Variants in PDE4D observed in about 807,000 individuals in gnomAD.
The protein encoded by PDE4D is 3',5'-cyclic-AMP phosphodiesterase 4D.
PDE4D carries 24 observed loss-of-function variants against 87.4 expected under a neutral mutation model. The ratio of observed to expected loss-of-function variants is 0.27; its 90% CI spans 0.20 to 0.39. The LOEUF (loss-of-function observed/expected upper bound fraction) is 0.39, where lower values mean the gene tolerates loss of function less well. Among genes scored for constraint, PDE4D ranks in the 10% least tolerant of loss-of-function variants. The pLI, the probability that PDE4D is intolerant of heterozygous loss-of-function variation, is 1.00. For missense variants in PDE4D, 714 were observed against 1,041.0 expected, an observed-to-expected ratio of 0.69 and a Z score of 4.32; for synonymous variants, 384 against 383.2, an observed-to-expected ratio of 1.00 and a Z score of -0.02.
In PDE4D at chr5:58,969,133, A is replaced by C. The variant is rs941264425; in HGVS notation, c.*5531T>G. The C allele has an allele frequency of 5.9e-5, 9 of 152,232 alleles. No individual in the cohort carries two copies. Among genetic ancestry groups the C allele is most frequent in the African/African-American group, 2.2e-4 (9 of 41,466 alleles). 9.4% of individuals were successfully genotyped at this position (152,232 alleles called of 1,614,324 possible). A position where few individuals can be genotyped will look rare whatever the true frequency, so the allele number is the denominator to read the frequency against. ...TCAATTTGATGGCTATATTCAACAC[A>C]TATTAAGAACCTACTGTGTACCAGG... On this transcript the variant is annotated 3_prime_UTR_variant, in exon 15 of 15. Transcript: ENST00000340635.
At chr5:59,756,859 G>A (rs974608938) in intron 1 of PDE4D, among the ~76,000 whole-genome samples, 8 of 139,844 alleles carry the variant, frequency 5.7e-5, no homozygotes, top group African/African-American at 1.4e-4. Flanking sequence ...GTGCAATGGT[G>A]CAATCTCGGC....
At chr5:60,459,551 C>T (rs1746758432) in intron 1 of PDE4D, among the ~76,000 whole-genome samples, 1 of 152,064 alleles carries the variant, frequency 6.6e-6, no homozygotes, top group Admixed American at 6.6e-5. Context: ...GCCTAGCACC[C>T]TCCAGCTTCC....
intron 5 of PDE4D, among the ~76,000 whole-genome samples, chr5:59,101,486 C>T (rs1173073750): frequency 1.3e-5 from 2 of 152,018 alleles, no homozygotes; most frequent in Non-Finnish European, 2.9e-5. Context: ...AATGATTTTT[C>T]CAAAAATAAT....
chr5:60,334,599 G>A (rs1476107937), intron 1 of PDE4D, among the ~76,000 whole-genome samples: 4 of 151,990 alleles, frequency 2.6e-5, no homozygotes, highest in Admixed American at 2.0e-4. Flanking sequence ...TAGAGTCCCT[G>A]TGGGTCCTTT....
At chr5:59,406,983 C>T (rs1791784553) in intron 1 of PDE4D, among the ~76,000 whole-genome samples, 1 of 152,058 alleles carries the variant, frequency 6.6e-6, no homozygotes, top group African/African-American at 2.4e-5. Flanking sequence ...TATTCATATT[C>T]AACAGGGAGA....
chr5:59,185,288 C>A (rs753416622), intron 3 of PDE4D, 26 bp from the exon 4 acceptor site: 3 of 1,556,370 alleles, frequency 1.9e-6, no homozygotes, highest in African/African-American at 1.4e-5. Flanking sequence ...ATTCTTGAAA[C>A]TTCTTGAGCT....
At chr5:59,921,299 C>T (rs531743478) in intron 3 of PDE4D, among the ~76,000 whole-genome samples, 78 of 151,614 alleles carry the variant, frequency 5.1e-4, no homozygotes, top group Admixed American at 9.2e-4. Context: ...TTTTAAAACA[C>T]GAAAACAGCA....
At chr5:60,461,648 C>T (rs543457598) in intron 1 of PDE4D, among the ~76,000 whole-genome samples, 123 of 152,332 alleles carry the variant, frequency 8.1e-4, no homozygotes, top group African/African-American at 2.9e-3. Context: ...AAACAGTTTT[C>T]CTACCTTCAT....
At chr5:60,080,825 T>C (rs548444686) in intron 2 of PDE4D, among the ~76,000 whole-genome samples, 1 of 152,218 alleles carries the variant, frequency 6.6e-6, no homozygotes. Context: ...ATCAGGGATA[T>C]TGGCCTGAAG....
chr5:58,978,130 G>C (rs1451416503), intron 11 of PDE4D, among the ~76,000 whole-genome samples: 3 of 152,146 alleles, frequency 2.0e-5, no homozygotes, highest in East Asian at 3.9e-4. Context: ...AAAAACTTTT[G>C]ATGCTTTATT....
At chr5:60,422,987 G>A (rs1454896357) in intron 1 of PDE4D, among the ~76,000 whole-genome samples, 12 of 152,180 alleles carry the variant, frequency 7.9e-5, no homozygotes, top group Admixed American at 2.6e-4. Flanking sequence ...TCAACAAGAA[G>A]ATCTAACTAA....
At chr5:60,434,828 T>G (rs370174219) in intron 1 of PDE4D, among the ~76,000 whole-genome samples, 41 of 152,176 alleles carry the variant, frequency 2.7e-4, no homozygotes, top group African/African-American at 9.9e-4. Context: ...TCTCCCTTGC[T>G]CTCAGGGATG....
At position 59,471,226 on chromosome 5, in the gene PDE4D, T is replaced by C. The variant is rs1440664268; in HGVS notation, c.456-255258A>G. Among the ~76,000 whole-genome samples, 5 of 152,162 alleles carry C rather than the reference T, an allele frequency of 3.3e-5. No homozygotes were observed. The East Asian group carries it at 5.8e-4, about 18-fold the overall frequency. ...TGCCACTGCACTCCAGCCTGGGCAA[T>C]AGAGTGAGGCCCTGTCTCAAAAAGA... On this transcript the variant is annotated intron_variant, in intron 1 of 14. Coordinates refer to ENST00000340635, the MANE Select transcript of PDE4D (RefSeq NM_001104631.2).
rs75776657 is a variant in PDE4D, at chr5:60,192,642, A to C, written c.-89-6955T>G. On this transcript the variant is annotated intron_variant, in intron 1 of 16. Coordinates refer to the PDE4D transcript ENST00000502484. ...AGAAAAAGCTTGTGTTATAATATTA[A>C]GTGAAAAAGGCAGGATTAAAGTTGT... is the stretch of plus-strand genomic sequence containing the variant. Among the ~76,000 whole-genome samples the C allele has an allele frequency of 2.2e-3, 340 of 152,326 alleles. 5 individuals carry two copies. The highest frequency in any genetic ancestry group is 0.018 in the Admixed American group (276 of 15,308).
chr5:59,327,512 T>A (rs1364813242), intron 1 of PDE4D, among the ~76,000 whole-genome samples: 2 of 152,156 alleles, frequency 1.3e-5, no homozygotes, highest in African/African-American at 4.8e-5. Context: ...CTGCAAAGTG[T>A]TCAGATTAGG....
chr5:59,170,953 C>A (rs985516270), intron 5 of PDE4D, among the ~76,000 whole-genome samples: 1 of 150,854 alleles, frequency 6.6e-6, no homozygotes, highest in Non-Finnish European at 1.5e-5. Flanking sequence ...GCCATCTCGG[C>A]TCACTGTAAC....
intron 1 of PDE4D, among the ~76,000 whole-genome samples, chr5:60,359,985 T>C (rs1172571707): frequency 2.0e-5 from 3 of 152,212 alleles, no homozygotes; most frequent in African/African-American, 4.8e-5. Flanking sequence ...GTTGCAGCAC[T>C]GTGCCAGTGC....
intron 1 of PDE4D, among the ~76,000 whole-genome samples, chr5:59,468,989 G>C (rs1385420895): frequency 1.3e-5 from 2 of 152,080 alleles, no homozygotes; most frequent in East Asian, 3.9e-4. Flanking sequence ...GTTGGTAGAA[G>C]GGTCTGCTTT....
intron 5 of PDE4D, among the ~76,000 whole-genome samples, chr5:59,119,983 T>G (rs1051489397): frequency 6.6e-6 from 1 of 152,108 alleles, no homozygotes; most frequent in African/African-American, 2.4e-5. Context: ...TAGTTGGGAC[T>G]GCAGACATGC....
Sources: allele counts gnomAD v4.1 joint callset (sites outside exome capture counted in the v4.1 genomes callset), GRCh38; gene constraint gnomAD v4.1.1; transcripts MANE v1.5; gene names NCBI Gene and HGNC (gene_info 2026-07-23, HGNC 2026-07-21).